Variants in TNN observed in about 807,000 individuals in gnomAD.
The protein encoded by TNN is tenascin N, also known as tenascin-N.
TNN carries 122 observed loss-of-function variants against 134.4 expected under a neutral mutation model. The ratio of observed to expected loss-of-function variants is 0.91; its 90% CI spans 0.78 to 1.06. The LOEUF (loss-of-function observed/expected upper bound fraction) is 1.06, where lower values mean the gene tolerates loss of function less well. Among genes scored for constraint, TNN ranks in the 50% least tolerant of loss-of-function variants. The pLI is 0.00. For missense variants in TNN, 1,739 were observed against 1,699.4 expected (o/e 1.02, Z -0.41); for synonymous variants, 710 against 670.3 (o/e 1.06, Z -0.91).
intron 9 of TNN, among the ~76,000 whole-genome samples, chr1:175,114,084 GTTA>G (rs1350773700): frequency 1.3e-5 from 2 of 152,146 alleles, no homozygotes; most frequent in East Asian, 1.9e-4. Context: ...TTTCTAGAGA[GTTA>G]TTATGTTCCT....
Position 175,118,773 on chromosome 1 carries a change from G to T in TNN, c.2599G>T (p.Ala867Ser), listed in dbSNP as rs1675262241. The T allele has an allele frequency of 3.1e-6, 5 of 1,614,210 alleles. No individual in the cohort carries two copies. Among genetic ancestry groups the T allele is most frequent in the Non-Finnish European group, 4.2e-6 (5 of 1,180,038 alleles). The stretch of plus-strand genomic sequence containing the variant: ...CATGGAGTACACGGTGCACGTGTGG[G>T]CCCAGAAGGGGAACCAGGAGAGCAA... The part of the protein sequence containing the change: ...PGMEYTVHVW[A>S]QKGNQESKKA... The change falls in exon 11 of 19, where the codon GCC becomes TCC. Residue 867 changes from alanine to serine, a missense_variant. By Grantham distance (99) the Ala-to-Ser change is moderately conservative. Transcript: ENST00000239462.
chr1:175,145,324 G>T (rs1048269438), intron 18 of TNN, among the ~76,000 whole-genome samples: 14 of 152,004 alleles, frequency 9.2e-5, no homozygotes, highest in Non-Finnish European at 1.9e-4. Context: ...AGGCTGAGGT[G>T]AGCTGATTGC....
intron 6 of TNN, among the ~76,000 whole-genome samples, chr1:175,091,798 C>T (rs1357728100): frequency 1.3e-5 from 2 of 152,102 alleles, no homozygotes; most frequent in East Asian, 3.9e-4. Context: ...CCATGTTGGC[C>T]AGGCTAGTCT....
intron 7 of TNN, 110 bp downstream of exon 7, chr1:175,094,363 T>C: frequency 8.4e-7 from 1 of 1,185,782 alleles, no homozygotes; most frequent in South Asian, 2.6e-5. Flanking sequence ...TTTGCAGGAG[T>C]GGGGAGGAGG....
Position 175,079,306 on chromosome 1 carries a change from A to G in TNN, c.410-27A>G, listed in dbSNP as rs192666426. ...TCCCCACGCACAACCCTTCAACCCA[A>G]CCTACTGTTTCTCCTCTCCCTCCCA... On this transcript the variant is annotated intron_variant, in intron 2 of 18. Coordinates refer to ENST00000239462, the MANE Select transcript of TNN (RefSeq NM_022093.2). 7,818 of 1,562,090 alleles carry G rather than the reference A, an allele frequency of 5.0e-3. 35 individuals carry two copies. Among genetic ancestry groups the G allele is most frequent in the Non-Finnish European group, 6.2e-3 (7,219 of 1,163,316 alleles).
intron 11 of TNN, among the ~76,000 whole-genome samples, chr1:175,119,638 C>CTTTTTTTTT (rs869293406): frequency 7.6e-6 from 1 of 131,570 alleles, no homozygotes; most frequent in African/African-American, 3.1e-5. Context: ...CCTTTTTTTT[C>CTTTTTTTTT]TTTTTTTTTT....
chr1:175,134,156 T>A (rs1346381196), intron 15 of TNN, among the ~76,000 whole-genome samples: 1 of 152,198 alleles, frequency 6.6e-6, no homozygotes, highest in Non-Finnish European at 1.5e-5. Context: ...TCTTTAGAAC[T>A]CCAGCCCTTA....
rs1192245668 is a variant in TNN at position 175,147,089 on chromosome 1, C to T, written c.*18C>T. ...CGTTCTGATGGCCCGTGTGAGCAGT[C>T]CTCGCAGGAGACACCACCAGCTGTG... On this transcript the variant is annotated 3_prime_UTR_variant, in exon 19 of 19. Coordinates refer to ENST00000239462, the MANE Select transcript of TNN (RefSeq NM_022093.2). The T allele has an allele frequency of 3.9e-6, 6 of 1,547,192 alleles. No homozygotes were observed. The African/African-American group carries it at 4.1e-5, about 11-fold the overall frequency.
At chr1:175,078,186 A>G (rs1188241765) in intron 2 of TNN, among the ~76,000 whole-genome samples, 2 of 152,158 alleles carry the variant, frequency 1.3e-5, no homozygotes, top group South Asian at 2.1e-4. Flanking sequence ...GCTAGACAAG[A>G]CAGGTTACAA....
chr1:175,117,602 G>A (rs530909792), intron 10 of TNN, among the ~76,000 whole-genome samples: 6 of 152,278 alleles, frequency 3.9e-5, no homozygotes, highest in Admixed American at 2.6e-4. Context: ...ATAGCAAGGA[G>A]ATGTATATCA....
Position 175,118,710 on chromosome 1 carries a change from G to T in TNN, c.2536G>T (p.Glu846Ter). The change falls in exon 11 of 19, where the codon GAG becomes TAG. Residue 846 changes from glutamate (E) to a stop codon, truncating the protein, a stop_gained. Coordinates refer to ENST00000239462, the MANE Select transcript of TNN (RefSeq NM_022093.2). LOFTEE classifies it high-confidence loss of function. Reference protein sequence around the residue: ...GETREVPVGKEQSSTVLTGLR... With the variant: ...GETREVPVGK Reference sequence around the variant, plus strand: ...GACCAGGGAGGTTCCAGTGGGGAAGGAGCAGAGCAGCACTGTCCTGACGGG... The same window carrying T: ...GACCAGGGAGGTTCCAGTGGGGAAGTAGCAGAGCAGCACTGTCCTGACGGG... 1 of 1,614,244 alleles carries T rather than the reference G, an allele frequency of 6.2e-7. No individual in the cohort carries two copies. Among genetic ancestry groups the T allele is most frequent in the Non-Finnish European group, 8.5e-7 (1 of 1,180,044 alleles).
At chr1:175,144,308 T>A in intron 17 of TNN, 79 bp from the exon 18 acceptor site, 1 of 1,393,988 alleles carries the variant, frequency 7.2e-7, no homozygotes, top group Non-Finnish European at 9.9e-7. Context: ...TGCCTAGAGA[T>A]CTTCCTGCTG....
At chr1:175,125,717 CTTT>C (rs1675499886) in intron 12 of TNN, among the ~76,000 whole-genome samples, 1 of 77,064 alleles carries the variant, frequency 1.3e-5, no homozygotes. Flanking sequence ...TTCTTTCTTT[CTTT>C]CTTTCTTTCT....
intron 11 of TNN, among the ~76,000 whole-genome samples, chr1:175,119,035 A>G (rs1030585424): frequency 3.9e-5 from 6 of 152,280 alleles, no homozygotes; most frequent in African/African-American, 1.4e-4. Context: ...ACAACGTGTT[A>G]TAGGAAAGGC....
In TNN at chr1:175,077,668, A is replaced by G; in HGVS notation, c.250A>G (p.Ile84Val). ...ALGEAREEQN[I>V]IFRHNIRLQT... ...GGGGGAGGCCAGGGAGGAACAGAAC[A>G]TCATCTTCAGGCACAACATCCGCCT... Residue 84 changes from isoleucine (I) to valine (V), a missense_variant, in exon 2 of 19, where the codon ATC (isoleucine) becomes GTC (valine). Physicochemically the swap from Ile to Val is conservative, Grantham distance 29. Transcript: ENST00000239462. 2 of 1,614,246 alleles carry G rather than the reference A, an allele frequency of 1.2e-6. No homozygotes were observed. Among genetic ancestry groups the G allele is most frequent in the African/African-American group, 1.3e-5 (1 of 75,074 alleles).
chr1:175,102,783 G>T (rs1402760290), intron 9 of TNN, among the ~76,000 whole-genome samples: 2 of 146,448 alleles, frequency 1.4e-5, no homozygotes, highest in Non-Finnish European at 3.0e-5. Context: ...CTCCTCAAAT[G>T]CTGCCAAAGT....
chr1:175,110,383 A>G (rs911140088), intron 9 of TNN, among the ~76,000 whole-genome samples: 19 of 152,062 alleles, frequency 1.2e-4, no homozygotes, highest in Non-Finnish European at 2.4e-4. Context: ...ATGTATTTCC[A>G]TTTGTCTATT....
At chr1:175,121,367 C>A (rs527240370) in intron 11 of TNN, among the ~76,000 whole-genome samples, 1 of 152,230 alleles carries the variant, frequency 6.6e-6, no homozygotes, top group South Asian at 2.1e-4. Flanking sequence ...TGAAAAGAGG[C>A]CAGTTTTGCT....
intron 9 of TNN, among the ~76,000 whole-genome samples, chr1:175,113,335 A>G (rs1035459621): frequency 1.3e-5 from 2 of 152,124 alleles, no homozygotes; most frequent in African/African-American, 4.8e-5. Flanking sequence ...TGGTATTCTC[A>G]GTTGACAGCT....
Sources: gnomAD v4.1 joint callset for allele counts (sites outside exome capture counted in the v4.1 genomes callset) on GRCh38, gnomAD v4.1.1 for gene constraint, MANE v1.5 for transcripts, NCBI Gene and HGNC (gene_info 2026-07-23, HGNC 2026-07-21) for gene names.